Variants in RAP1GAP observed in about 807,000 individuals in gnomAD.
RAP1GAP encodes the protein rap1 GTPase-activating protein 1.
In RAP1GAP, 35 loss-of-function variants were observed where a neutral mutation model predicts 87.2. That is an observed-to-expected ratio of 0.40 (90% CI 0.31 to 0.53). RAP1GAP has a LOEUF of 0.53. Among genes scored for constraint, RAP1GAP ranks in the 20% least tolerant of loss-of-function variants. The pLI, the probability that RAP1GAP is intolerant of heterozygous loss-of-function variation, is 0.48. For missense variants in RAP1GAP, 734 were observed against 898.9 expected (o/e 0.82, Z 2.35); for synonymous variants, 375 against 363.9 (o/e 1.03, Z -0.35).
At chr1:21,621,224 C>T (rs2087133911) in intron 3 of RAP1GAP, among the ~76,000 whole-genome samples, 1 of 152,210 alleles carries the variant, frequency 6.6e-6, no homozygotes, top group Admixed American at 6.5e-5. Flanking sequence ...GGCATGACAA[C>T]ACGCAGCCAC....
chr1:21,636,873 AAAGG>A (rs1424062505), intron 2 of RAP1GAP, among the ~76,000 whole-genome samples: 1 of 140,584 alleles, frequency 7.1e-6, no homozygotes, highest in South Asian at 2.5e-4. Flanking sequence ...GGAGGAGGGA[AAAGG>A]AAGGAAGGAA....
intron 21 of RAP1GAP, 24 bp from the exon 22 acceptor site, chr1:21,598,526 A>G: frequency 1.3e-6 from 2 of 1,584,976 alleles, no homozygotes; most frequent in Non-Finnish European, 1.7e-6. Context: ...GGAAAGAGGG[A>G]GGGAGGTTAG....
At chr1:21,610,758 A>G (rs1431282106) in intron 13 of RAP1GAP, among the ~76,000 whole-genome samples, 1 of 152,184 alleles carries the variant, frequency 6.6e-6, no homozygotes, top group Non-Finnish European at 1.5e-5. Flanking sequence ...ATGGCCCCCA[A>G]TTGAATAAAC....
chr1:21,660,483 G>A (rs1451774130), intron 1 of RAP1GAP, among the ~76,000 whole-genome samples: 1 of 150,880 alleles, frequency 6.6e-6, no homozygotes, highest in South Asian at 2.1e-4. Flanking sequence ...ACAGGCACCC[G>A]CCACCATGCC....
At chr1:21,651,970 G>A in intron 1 of RAP1GAP, 1 of 621,052 alleles carries the variant, frequency 1.6e-6, no homozygotes, top group South Asian at 6.7e-5. Flanking sequence ...CCAGCTGCCG[G>A]GGGCCGCCGG....
chr1:21,610,501 C>T (rs1429870551), intron 13 of RAP1GAP, among the ~76,000 whole-genome samples: 2 of 152,180 alleles, frequency 1.3e-5, no homozygotes, highest in Non-Finnish European at 2.9e-5. Context: ...ACACTAATAT[C>T]CCAGACCTCA....
intron 2 of RAP1GAP, among the ~76,000 whole-genome samples, chr1:21,632,721 G>C (rs1406718586): frequency 6.6e-6 from 1 of 151,978 alleles, no homozygotes; most frequent in Non-Finnish European, 1.5e-5. Context: ...GCAGCAAAGT[G>C]AGCCCTCATC....
In RAP1GAP at chr1:21,622,359, G is replaced by T; in HGVS notation, c.-18-2309C>A. ...CTCACCTGCCAGCTGGCCCCCGCGGGCAGCGAGCCCCTCCGCGGACGGCCG... is the reference window on the plus strand; with the variant it reads ...CTCACCTGCCAGCTGGCCCCCGCGGTCAGCGAGCCCCTCCGCGGACGGCCG... On this transcript the variant is annotated intron_variant, in intron 3 of 24. Coordinates refer to ENST00000374765, the MANE Select transcript of RAP1GAP (RefSeq NM_002885.4). This position sits in a 1 kb window ranked among gnomAD's most constrained non-coding sequence, Gnocchi z 5.7. 1 of 462,878 alleles carries T rather than the reference G, an allele frequency of 2.2e-6. No homozygotes were observed. 28.7% of individuals were successfully genotyped at this position (462,878 alleles called of 1,614,324 possible).
intron 2 of RAP1GAP, among the ~76,000 whole-genome samples, chr1:21,640,411 G>A (rs1361549154): frequency 6.6e-6 from 1 of 152,308 alleles, no homozygotes; most frequent in South Asian, 2.1e-4. Context: ...GGTTTCTTCA[G>A]GTCATGCCTG....
In RAP1GAP at chr1:21,603,232, G is replaced by A; in HGVS notation, c.1429-319C>T. On this transcript the variant is annotated intron_variant, in intron 18 of 24. Coordinates refer to ENST00000374765, the MANE Select transcript of RAP1GAP (RefSeq NM_002885.4). This position sits in a 1 kb window ranked among gnomAD's most constrained non-coding sequence, Gnocchi z 6.0. ...ATGGCTACCGCTCCCCGCCCCCCAG[G>A]GCTCTGTGGGATCTGCAGCCTAAGG... 5.0e-6 allele frequency: 2 copies of A among 403,124 alleles called. No individual in the cohort carries two copies. Among genetic ancestry groups the A allele is most frequent in the Non-Finnish European group, 9.0e-6 (2 of 222,776 alleles). The allele number at this position is 403,124 out of a possible 1,614,324, so 25.0% of individuals were successfully genotyped here.
At chr1:21,600,147 A>G (rs1045232362) in intron 20 of RAP1GAP, among the ~76,000 whole-genome samples, 2 of 152,032 alleles carry the variant, frequency 1.3e-5, no homozygotes, top group African/African-American at 4.8e-5. Flanking sequence ...TTAATCCCAC[A>G]AGGTTTTCAT....
intron 1 of RAP1GAP, among the ~76,000 whole-genome samples, chr1:21,654,294 T>C (rs971207813): frequency 6.6e-6 from 1 of 152,218 alleles, no homozygotes; most frequent in Non-Finnish European, 1.5e-5. Flanking sequence ...ACAATGGACA[T>C]TGAGGCATGT....
intron 17 of RAP1GAP, 127 bp from the exon 18 acceptor site, chr1:21,606,324 TC>T: frequency 7.4e-7 from 1 of 1,360,310 alleles, no homozygotes; most frequent in East Asian, 2.5e-5. Flanking sequence ...GGAAATCCCT[TC>T]CCCTGGGCAT....
chr1:21,625,622 T>G (rs887697206), intron 3 of RAP1GAP, among the ~76,000 whole-genome samples: 2 of 152,246 alleles, frequency 1.3e-5, no homozygotes, highest in Non-Finnish European at 2.9e-5. Context: ...AAGGATGAGA[T>G]GAAATACTGC....
chr1:21,621,045 C>T (rs2086933820), intron 3 of RAP1GAP, among the ~76,000 whole-genome samples: 1 of 152,192 alleles, frequency 6.6e-6, no homozygotes, highest in South Asian at 2.1e-4. Flanking sequence ...CAAATATACA[C>T]ATTGGCGTTC....
intron 2 of RAP1GAP, among the ~76,000 whole-genome samples, chr1:21,645,086 C>G (rs1383992637): frequency 6.6e-6 from 1 of 152,086 alleles, no homozygotes; most frequent in Admixed American, 6.5e-5. Context: ...AGCGGCTAGG[C>G]CTGTCTCATT....
intron 1 of RAP1GAP, chr1:21,651,781 G>T (rs773935568): frequency 1.4e-6 from 2 of 1,415,452 alleles, no homozygotes; most frequent in Non-Finnish European, 1.8e-6. Flanking sequence ...CGCCCTACCC[G>T]CCGTAGGCCC....
intron 2 of RAP1GAP, among the ~76,000 whole-genome samples, chr1:21,649,235 A>C (rs2096361387): frequency 6.6e-6 from 1 of 152,056 alleles, no homozygotes; most frequent in Non-Finnish European, 1.5e-5. Context: ...GGGCAGCCCC[A>C]GACACAGGAA....
intron 2 of RAP1GAP, among the ~76,000 whole-genome samples, chr1:21,637,910 G>A (rs984393227): frequency 2.7e-5 from 4 of 147,438 alleles, no homozygotes; most frequent in Admixed American, 7.0e-5. Flanking sequence ...CAAGGCAGGC[G>A]GATCTCTTGG....
Sources: allele counts gnomAD v4.1 joint callset (sites outside exome capture counted in the v4.1 genomes callset), GRCh38; gene constraint gnomAD v4.1.1; non-coding constraint Gnocchi (gnomAD v3.1); transcripts MANE v1.5; gene names NCBI Gene and HGNC (gene_info 2026-07-23, HGNC 2026-07-21).